Variants in CALN1 observed in about 807,000 individuals in gnomAD.
The protein encoded by CALN1 is calneuron 1.
A neutral mutation model predicts 30.6 loss-of-function variants in CALN1; 17 were observed. The observed-to-expected ratio is 0.56, with a 90% CI of 0.38 to 0.83. The LOEUF is 0.83. Among genes scored for constraint, CALN1 ranks in the 40% least tolerant of loss-of-function variants. CALN1 has a pLI of 0.00. For missense variants in CALN1, 291 were observed against 354.9 expected (o/e 0.82, Z 1.45); for synonymous variants, 156 against 131.4 (o/e 1.19, Z -1.28).
intron 1 of CALN1, among the ~76,000 whole-genome samples, chr7:72,432,248 T>C (rs1402519047): frequency 1.3e-5 from 2 of 152,194 alleles, no homozygotes; most frequent in Non-Finnish European, 2.9e-5. Context: ...CCTGCCACCA[T>C]GTAAGACGTG....
At chr7:71,868,509 T>C (rs1306418216) in intron 5 of CALN1, among the ~76,000 whole-genome samples, 1 of 151,846 alleles carries the variant, frequency 6.6e-6, no homozygotes, top group African/African-American at 2.4e-5. Context: ...GTAGCTAGGA[T>C]TACAGATGTC....
At chr7:71,859,311 C>CCT (rs1353587614) in intron 5 of CALN1, among the ~76,000 whole-genome samples, 1 of 152,176 alleles carries the variant, frequency 6.6e-6, no homozygotes, top group Admixed American at 6.5e-5. Context: ...AATCTGCCCG[C>CCT]CTCAGCCTCC....
intron 4 of CALN1, among the ~76,000 whole-genome samples, chr7:72,024,565 A>C (rs1412900867): frequency 6.6e-6 from 1 of 151,902 alleles, no homozygotes; most frequent in Non-Finnish European, 1.5e-5. Context: ...AGCCTGGCTA[A>C]TTTTTGTATT....
the CALN1 span, among the ~76,000 whole-genome samples, chr7:72,463,113 T>TTTTATTTA: frequency 3.3e-5 from 5 of 151,940 alleles, no homozygotes; most frequent in African/African-American, 9.7e-5. Context: ...TGCTTTGCAT[T>TTTTATTTA]TTTATTTATT....
At chr7:72,267,092 T>A (rs1175526552) in intron 3 of CALN1, among the ~76,000 whole-genome samples, 7 of 152,166 alleles carry the variant, frequency 4.6e-5, no homozygotes, top group Admixed American at 3.9e-4. Context: ...ATAAGAGTTG[T>A]GAGCTTGTCT....
At chr7:72,334,431 CCCA>C (rs993664999) in intron 2 of CALN1, among the ~76,000 whole-genome samples, 2 of 152,116 alleles carry the variant, frequency 1.3e-5, no homozygotes, top group Admixed American at 1.3e-4. Flanking sequence ...CCCAGCCCTG[CCCA>C]ATATTTATGA....
chr7:72,134,051 C>T (rs1043727683), intron 3 of CALN1, among the ~76,000 whole-genome samples: 2 of 152,206 alleles, frequency 1.3e-5, no homozygotes, highest in African/African-American at 4.8e-5. Context: ...GTGATGAGGG[C>T]TCTGCCCTCT....
At chr7:72,075,407 T>C (rs1804662341) in intron 4 of CALN1, among the ~76,000 whole-genome samples, 1 of 152,218 alleles carries the variant, frequency 6.6e-6, no homozygotes, top group African/African-American at 2.4e-5. Flanking sequence ...TTAAAATGCA[T>C]AGGCTGGAAC....
At chr7:72,291,261 G>A (rs1372992075) in intron 2 of CALN1, among the ~76,000 whole-genome samples, 1 of 152,104 alleles carries the variant, frequency 6.6e-6, no homozygotes, top group Non-Finnish European at 1.5e-5. Context: ...TTTTTCTTCA[G>A]AATGTCATTT....
At chr7:72,105,797 G>GTGAA (rs1315134329) in intron 4 of CALN1, among the ~76,000 whole-genome samples, 1 of 112,794 alleles carries the variant, frequency 8.9e-6, no homozygotes, top group African/African-American at 3.3e-5. Flanking sequence ...GGGGGAGGGA[G>GTGAA]GGAGGGAGGA....
At chr7:72,020,841 G>A (rs1054501449) in intron 5 of CALN1, among the ~76,000 whole-genome samples, 4 of 152,206 alleles carry the variant, frequency 2.6e-5, no homozygotes, top group African/African-American at 7.2e-5. Flanking sequence ...CTGGAAGACA[G>A]GAGGAGTAGG....
At chr7:72,415,182 G>A (rs144180153), upstream of CALN1, among the ~76,000 whole-genome samples, 10 of 152,370 alleles carry the variant, frequency 6.6e-5, no homozygotes, top group East Asian at 7.7e-4. Context: ...CCACCCGCTA[G>A]TCTATGGTAT....
intron 5 of CALN1, among the ~76,000 whole-genome samples, chr7:71,832,547 A>G (rs1789351354): frequency 1.3e-5 from 2 of 152,170 alleles, no homozygotes; most frequent in African/African-American, 4.8e-5. Flanking sequence ...AAACCCTTCA[A>G]TGACTCTTAG....
At chr7:71,995,918 T>G (rs1379331424) in intron 5 of CALN1, among the ~76,000 whole-genome samples, 1 of 152,068 alleles carries the variant, frequency 6.6e-6, no homozygotes, top group Non-Finnish European at 1.5e-5. Flanking sequence ...TAAAAAGCAC[T>G]TGGCTTAGGA....
rs1037281276 is a variant in CALN1, at chr7:71,786,652, C to T, written c.*1123G>A. ...CAGTCGTTTGATCTCTCCATCTTTC[C>T]ATTTTGGATTGCATTTCTCTTTTTA... On this transcript the variant is annotated 3_prime_UTR_variant, in exon 7 of 7. Transcript: ENST00000395275. 6.6e-6 allele frequency: 1 copy of T among 152,162 alleles called. No individual in the cohort carries two copies. Among genetic ancestry groups the T allele is most frequent in the African/African-American group, 2.4e-5 (1 of 41,432 alleles). The allele number at this position is 152,162 out of a possible 1,614,324, so 9.4% of individuals were successfully genotyped here. A position where few individuals can be genotyped will look rare whatever the true frequency, so the allele number is the denominator to read the frequency against.
At chr7:72,268,585 C>G (rs1054059073) in intron 3 of CALN1, among the ~76,000 whole-genome samples, 1 of 152,100 alleles carries the variant, frequency 6.6e-6, no homozygotes, top group Non-Finnish European at 1.5e-5. Context: ...GCAGGCAGAT[C>G]CCTTGAGCCC....
chr7:72,361,318 C>G (rs1803556702), intron 2 of CALN1, among the ~76,000 whole-genome samples: 1 of 151,988 alleles, frequency 6.6e-6, no homozygotes. Context: ...ACTATGAAAT[C>G]CATTAATAAG....
At chr7:72,356,300 T>C (rs1803225405) in intron 2 of CALN1, among the ~76,000 whole-genome samples, 2 of 150,236 alleles carry the variant, frequency 1.3e-5, no homozygotes, top group South Asian at 4.2e-4. Context: ...CTATTGTATT[T>C]TAATCTAATA....
chr7:72,270,614 AT>A (rs1001475695), intron 3 of CALN1, among the ~76,000 whole-genome samples: 6 of 151,476 alleles, frequency 4.0e-5, no homozygotes, highest in Non-Finnish European at 8.8e-5. Context: ...TCTAAAAAAA[AT>A]TTTTTTTTAA....
Sources: allele counts gnomAD v4.1 joint callset (sites outside exome capture counted in the v4.1 genomes callset), GRCh38; gene constraint gnomAD v4.1.1; transcripts MANE v1.5; gene names NCBI Gene and HGNC (gene_info 2026-07-23, HGNC 2026-07-21).